The following ASB18 variants were observed in gnomAD, a reference collection of about 807,000 sequenced individuals.
ASB18 encodes ankyrin repeat and SOCS box protein 18.
ASB18 carries 33 observed loss-of-function variants against 33.4 expected under a neutral mutation model. The ratio of observed to expected loss-of-function variants is 0.99; its 90% CI spans 0.75 to 1.32. The LOEUF (loss-of-function observed/expected upper bound fraction) is 1.32. Ranked by LOEUF, ASB18 falls within the 40% of genes most tolerant of loss-of-function variation. ASB18 has a pLI of 0.00. For missense variants in ASB18, 694 were observed against 655.5 expected (o/e 1.06, Z -0.64); for synonymous variants, 295 against 307.6 (o/e 0.96, Z 0.43).
rs1036181421 is a variant in ASB18, at chr2:236,209,543, C to T, written c.1101+4819G>A. ...CCTCCCAGAGTGCTAGGATTATAGG[C>T]GTGAGCTATTGCCTCTGGCCTAGAA... On this transcript the variant is annotated intron_variant, in intron 4 of 5. Transcript: ENST00000409749. The surrounding 1 kb of genome is among the most constrained non-coding windows in gnomAD (Gnocchi z 4.4). Among the ~76,000 whole-genome samples the T allele has an allele frequency of 2.0e-5, 3 of 152,164 alleles. No homozygotes were observed. Among genetic ancestry groups the T allele is most frequent in the East Asian group, 3.9e-4 (2 of 5,190 alleles).
intron 4 of ASB18, among the ~76,000 whole-genome samples, chr2:236,197,346 A>C (rs1325894550): frequency 1.3e-5 from 2 of 152,250 alleles, no homozygotes; most frequent in Non-Finnish European, 2.9e-5. Flanking sequence ...TAGGGCCGAT[A>C]TAATGAGACT....
rs915500988 is a variant in ASB18, at chr2:236,225,700, A to G, written c.597-10834T>C. Among the ~76,000 whole-genome samples, 1 of 152,084 alleles carries G rather than the reference A, an allele frequency of 6.6e-6. No homozygotes were observed. The highest frequency in any genetic ancestry group is 2.4e-5 in the African/African-American group (1 of 41,418). The stretch of plus-strand genomic sequence containing the variant: ...TACTGTAACTTTTCTTTTTGGGAAA[A>G]TCTCTTCAAAAGGCTCCTAGATTAA... On this transcript the variant is annotated intron_variant, in intron 3 of 5. Coordinates refer to ENST00000409749, the MANE Select transcript of ASB18 (RefSeq NM_212556.4). This position sits in a 1 kb window ranked among gnomAD's most constrained non-coding sequence, Gnocchi z 5.1.
rs896859609 is a variant in ASB18 at position 236,229,444 on chromosome 2, G to A, written c.596+8245C>T. 6.6e-6 allele frequency among the ~76,000 whole-genome samples: 1 copy of A among 151,760 alleles called. No homozygotes were observed. The highest frequency in any genetic ancestry group is 2.1e-4 in the South Asian group (1 of 4,812). ...CCTGAAGGAGAGTACTGGTTGTATAGAAAAAAAATGTGAAGAAATAATTGC... is the reference window on the plus strand; with the variant it reads ...CCTGAAGGAGAGTACTGGTTGTATAAAAAAAAAATGTGAAGAAATAATTGC... On this transcript the variant is annotated intron_variant, in intron 3 of 5. Transcript: ENST00000409749. This position sits in a 1 kb window ranked among gnomAD's most constrained non-coding sequence, Gnocchi z 5.2.
chr2:236,200,449 G>C lies in ASB18; in HGVS notation c.1102-4064C>G, dbSNP rs139194897. Among the ~76,000 whole-genome samples the C allele has an allele frequency of 1.6e-3, 239 of 152,336 alleles. No individual in the cohort carries two copies. The highest frequency in any genetic ancestry group is 5.2e-3 in the Admixed American group (80 of 15,308). On this transcript the variant is annotated intron_variant, in intron 4 of 5. Transcript: ENST00000409749. This position sits in a 1 kb window ranked among gnomAD's most constrained non-coding sequence, Gnocchi z 4.2. ...TGTGGGTACAAGGAAACTGACAAGG[G>C]TCAGGGCAGCAATGTGGGGTCGTGG...
intron 1 of ASB18, among the ~76,000 whole-genome samples, chr2:236,243,227 G>A (rs2106281350): frequency 6.6e-6 from 1 of 151,228 alleles, no homozygotes; most frequent in Admixed American, 6.6e-5. Flanking sequence ...CTACTCAGGA[G>A]GCTTAGGTGA....
rs890428341 is a variant in ASB18 at position 236,208,091 on chromosome 2, A to C, written c.1101+6271T>G. On this transcript the variant is annotated intron_variant, in intron 4 of 5. Coordinates refer to ENST00000409749, the MANE Select transcript of ASB18 (RefSeq NM_212556.4). This position sits in a 1 kb window ranked among gnomAD's most constrained non-coding sequence, Gnocchi z 7.7. ...TATCGGTGGTCCCCTCCCCATGCCCAATTATTTTTGTTCTCATCCATTACT... is the reference window on the plus strand; with the variant it reads ...TATCGGTGGTCCCCTCCCCATGCCCCATTATTTTTGTTCTCATCCATTACT... Among the ~76,000 whole-genome samples the C allele has an allele frequency of 6.6e-6, 1 of 151,922 alleles. No homozygotes were observed. The highest frequency in any genetic ancestry group is 1.5e-5 in the Non-Finnish European group (1 of 67,994).
In ASB18 at chr2:236,214,215, G is replaced by T; in HGVS notation, c.1101+147C>A. ...AATGCAGGCTCTCCCACCCCAGACCGGCAGAGCAGATTCTGCATTTTCACA... is the reference window on the plus strand; with the variant it reads ...AATGCAGGCTCTCCCACCCCAGACCTGCAGAGCAGATTCTGCATTTTCACA... On this transcript the variant is annotated intron_variant, in intron 4 of 5. Transcript: ENST00000409749. This position sits in a 1 kb window ranked among gnomAD's most constrained non-coding sequence, Gnocchi z 6.5. 4.8e-6 allele frequency: 4 copies of T among 841,148 alleles called. No individual in the cohort carries two copies. The highest frequency in any genetic ancestry group is 7.0e-6 in the Non-Finnish European group (4 of 568,130). The allele number at this position is 841,148 out of a possible 1,614,324, so 52.1% of individuals were successfully genotyped here.
At chr2:236,197,449 G>A (rs1340445811) in intron 4 of ASB18, among the ~76,000 whole-genome samples, 3 of 152,184 alleles carry the variant, frequency 2.0e-5, no homozygotes, top group Non-Finnish European at 2.9e-5. Context: ...ATTTCTCACT[G>A]TGGGGCTTTT....
In ASB18 at chr2:236,241,911, GAGTA is replaced by G. The variant is rs1297034758; in HGVS notation, c.206-513_206-510del. The stretch of plus-strand genomic sequence containing the variant: ...AGCATTGCATTTACCTGTTTATGTG[GAGTA>G]AGTGACTCACTTACAAAAATGACTT... On this transcript the variant is annotated intron_variant, in intron 1 of 5. Coordinates refer to ENST00000409749, the MANE Select transcript of ASB18 (RefSeq NM_212556.4). The surrounding 1 kb of genome is among the most constrained non-coding windows in gnomAD (Gnocchi z 4.2). Among the ~76,000 whole-genome samples the G allele has an allele frequency of 1.3e-5, 2 of 152,196 alleles. No homozygotes were observed. Among genetic ancestry groups the G allele is most frequent in the East Asian group, 1.9e-4 (1 of 5,176 alleles).
intron 4 of ASB18, among the ~76,000 whole-genome samples, chr2:236,197,074 C>T (rs7591580): frequency 3.8e-4 from 57 of 150,654 alleles, no homozygotes; most frequent in Non-Finnish European, 7.1e-4. Context: ...GTATCCCCGC[C>T]CCCCCCATCA....
Position 236,257,795 on chromosome 2 carries a change from G to A in ASB18, c.205+6346C>T, listed in dbSNP as rs957474623. 3.3e-5 allele frequency among the ~76,000 whole-genome samples: 5 copies of A among 152,188 alleles called. No homozygotes were observed. Among genetic ancestry groups the A allele is most frequent in the Non-Finnish European group, 7.3e-5 (5 of 68,032 alleles). ...AACGCAGCTGTGGGATGAACTACAG[G>A]TGCCGTGGAGCACGGGAAAGGGCAC... is the stretch of plus-strand genomic sequence containing the variant. On this transcript the variant is annotated intron_variant, in intron 1 of 5. Transcript: ENST00000409749. This position sits in a 1 kb window ranked among gnomAD's most constrained non-coding sequence, Gnocchi z 5.5.
rs1435116635 is a variant in ASB18, at chr2:236,237,509, G to A, written c.596+180C>T. Among the ~76,000 whole-genome samples the A allele has an allele frequency of 6.6e-6, 1 of 150,944 alleles. No homozygotes were observed. ...ATCTGGGTCCCGAGGCAGGGGCCGGGGTAGGGACGGGGCGGATGCGGGTCT... is the reference window on the plus strand; with the variant it reads ...ATCTGGGTCCCGAGGCAGGGGCCGGAGTAGGGACGGGGCGGATGCGGGTCT... On this transcript the variant is annotated intron_variant, in intron 3 of 5. Transcript: ENST00000409749. This position sits in a 1 kb window ranked among gnomAD's most constrained non-coding sequence, Gnocchi z 6.2.
rs1264475374 is a variant in ASB18, at chr2:236,219,370, T to C, written c.597-4504A>G. 2.0e-5 allele frequency among the ~76,000 whole-genome samples: 3 copies of C among 152,192 alleles called. No individual in the cohort carries two copies. The highest frequency in any genetic ancestry group is 7.2e-5 in the African/African-American group (3 of 41,440). On this transcript the variant is annotated intron_variant, in intron 3 of 5. Transcript: ENST00000409749. The surrounding 1 kb of genome is among the most constrained non-coding windows in gnomAD (Gnocchi z 6.4). The stretch of plus-strand genomic sequence containing the variant: ...ACCTGCTCCAGCAACAGCTCCTGGA[T>C]CCTAAGAATATCCCTTTGGCTTTCC...
chr2:236,209,213 T>TA lies in ASB18; in HGVS notation c.1101+5148dup. 6.6e-6 allele frequency among the ~76,000 whole-genome samples: 1 copy of TA among 152,016 alleles called. No homozygotes were observed. Among genetic ancestry groups the TA allele is most frequent in the East Asian group, 1.9e-4 (1 of 5,174 alleles). ...GAAAACTTTAGGTCTCCATTTTCAG[T>TA]ATGGTTAGTGCCCAGAAGCTGAGAC... is the stretch of plus-strand genomic sequence containing the variant. On this transcript the variant is annotated intron_variant, in intron 4 of 5. Transcript: ENST00000409749. This position sits in a 1 kb window ranked among gnomAD's most constrained non-coding sequence, Gnocchi z 4.4.
At position 236,244,728 on chromosome 2, in the gene ASB18, TC is replaced by T. The variant is rs2060636485; in HGVS notation, c.206-3327del. 6.6e-6 allele frequency among the ~76,000 whole-genome samples: 1 copy of T among 152,148 alleles called. No individual in the cohort carries two copies. The highest frequency in any genetic ancestry group is 6.5e-5 in the Admixed American group (1 of 15,280). On this transcript the variant is annotated intron_variant, in intron 1 of 5. Coordinates refer to ENST00000409749, the MANE Select transcript of ASB18 (RefSeq NM_212556.4). This position sits in a 1 kb window ranked among gnomAD's most constrained non-coding sequence, Gnocchi z 6.1. ...TGGGTTGCCCCTTTCACCAAGATCTTCTATAACTAAGGAGTGCTCAGCAAAG... is the reference window on the plus strand; with the variant it reads ...TGGGTTGCCCCTTTCACCAAGATCTTTATAACTAAGGAGTGCTCAGCAAAG...
chr2:236,230,598 T>C (rs2060559668), intron 3 of ASB18, among the ~76,000 whole-genome samples: 1 of 151,578 alleles, frequency 6.6e-6, no homozygotes, highest in Admixed American at 6.6e-5. Flanking sequence ...AGGAGAGAAA[T>C]GGAAGTATAC....
At position 236,214,361 on chromosome 2, in the gene ASB18, C is replaced by T; in HGVS notation, c.1101+1G>A. The T allele has an allele frequency of 6.4e-7, 1 of 1,573,366 alleles. No homozygotes were observed. Among genetic ancestry groups the T allele is most frequent in the Non-Finnish European group, 8.6e-7 (1 of 1,163,508 alleles). On this transcript the variant is annotated splice_donor_variant, in intron 4 of 5. Transcript: ENST00000409749. LOFTEE classifies it high-confidence loss of function. The surrounding 1 kb of genome is among the most constrained non-coding windows in gnomAD (Gnocchi z 6.5). ...GCCAGCCGGGCTGGATCCTGCCTTA[C>T]CTTGGGGAAGGCGTCGGGCCACACG... is the stretch of plus-strand genomic sequence containing the variant.
rs2060731800 is a variant in ASB18, at chr2:236,263,838, A to G, written c.205+303T>C. On this transcript the variant is annotated intron_variant, in intron 1 of 5. Coordinates refer to ENST00000409749, the MANE Select transcript of ASB18 (RefSeq NM_212556.4). The surrounding 1 kb of genome is among the most constrained non-coding windows in gnomAD (Gnocchi z 4.0). ...CAGAACACACAATTATGTGTATGAT[A>G]TGGTTATCAGTGGGTGAAATTTACA... Among the ~76,000 whole-genome samples the G allele has an allele frequency of 1.3e-5, 2 of 152,314 alleles. No individual in the cohort carries two copies. Among genetic ancestry groups the G allele is most frequent in the South Asian group, 4.1e-4 (2 of 4,822 alleles).
chr2:236,258,388 T>A (rs529241702), intron 1 of ASB18, among the ~76,000 whole-genome samples: 1 of 152,324 alleles, frequency 6.6e-6, no homozygotes, highest in African/African-American at 2.4e-5. Context: ...GTCTGACATG[T>A]TCAAGGTCAC....
Sources: allele counts gnomAD v4.1 joint callset (sites outside exome capture counted in the v4.1 genomes callset), GRCh38; gene constraint gnomAD v4.1.1; non-coding constraint Gnocchi (gnomAD v3.1); transcripts MANE v1.5; gene names NCBI Gene and HGNC (gene_info 2026-07-23, HGNC 2026-07-21).